Variants in UNC93A observed in about 807,000 individuals in gnomAD.
UNC93A encodes the protein unc-93 homolog A, also known as N-acetylglucosamine transporter UNC93A.
UNC93A carries 43 observed loss-of-function variants against 47.5 expected under a neutral mutation model. The ratio of observed to expected loss-of-function variants is 0.91; its 90% CI spans 0.71 to 1.17. The LOEUF (loss-of-function observed/expected upper bound fraction) is 1.17. Ranked by LOEUF, UNC93A falls within the 50% of genes most tolerant of loss-of-function variation. UNC93A has a pLI of 0.00. For missense variants in UNC93A, 605 were observed against 577.6 expected, an observed-to-expected ratio of 1.05 and a Z score of -0.49; for synonymous variants, 280 against 258.0, an observed-to-expected ratio of 1.09 and a Z score of -0.82.
chr6:167,298,526 T>C (rs1583079140), intron 4 of UNC93A, among the ~76,000 whole-genome samples: 1 of 109,020 alleles, frequency 9.2e-6, no homozygotes, highest in African/African-American at 6.8e-5. Flanking sequence ...TATAAGCCAC[T>C]TTTTTTTTTT....
intron 1 of UNC93A, among the ~76,000 whole-genome samples, chr6:167,280,339 T>C (rs1020300110): frequency 2.0e-4 from 30 of 152,276 alleles, no homozygotes; most frequent in Admixed American, 7.8e-4. Context: ...GAAAATGCTG[T>C]GTGCTTTCAA....
At chr6:167,269,280 G>A (rs1223405408), upstream of UNC93A, among the ~76,000 whole-genome samples, 7 of 152,228 alleles carry the variant, frequency 4.6e-5, no homozygotes, top group Non-Finnish European at 1.0e-4. Context: ...GACGCCCAGA[G>A]ACCCAGTCTT....
At chr6:167,300,495 A>C (rs1210832076) in intron 4 of UNC93A, among the ~76,000 whole-genome samples, 1 of 152,092 alleles carries the variant, frequency 6.6e-6, no homozygotes, top group African/African-American at 2.4e-5. Flanking sequence ...GCTCTTAGCC[A>C]GTGAGAGGCT....
upstream of UNC93A, among the ~76,000 whole-genome samples, chr6:167,290,038 G>A (rs1783814291): frequency 6.6e-6 from 1 of 152,016 alleles, no homozygotes; most frequent in South Asian, 2.1e-4. Flanking sequence ...TGCTGTTCTA[G>A]GGGCTTTCAA....
chr6:167,302,357 G>C (rs907454075), intron 4 of UNC93A, among the ~76,000 whole-genome samples: 3 of 152,082 alleles, frequency 2.0e-5, no homozygotes, highest in Admixed American at 2.0e-4. Context: ...GTCGTCTTTA[G>C]AGGAGCAGGG....
intron 1 of UNC93A, among the ~76,000 whole-genome samples, chr6:167,282,628 G>A (rs1783652466): frequency 6.6e-6 from 1 of 152,166 alleles, no homozygotes; most frequent in Non-Finnish European, 1.5e-5. Flanking sequence ...CAAATATCAG[G>A]TGAAATGTGG....
Position 167,315,193 on chromosome 6 carries a change from A to G in UNC93A, c.1115A>G (p.Tyr372Cys), listed in dbSNP as rs1778657363. ...TCCGCTCTCTCCTCTGCAGCTCTCTACGGCGTTCTGTTTGAGAAGAGCAAG... is the reference window on the plus strand; with the variant it reads ...TCCGCTCTCTCCTCTGCAGCTCTCTGCGGCGTTCTGTTTGAGAAGAGCAAG... ...AVWQTQNNAL[Y>C]GVLFEKSKEA... Residue 372 changes from tyrosine (Y) to cysteine (C), a missense_variant, in exon 8 of 8, where the codon TAC (tyrosine) becomes TGC (cysteine). Coordinates refer to ENST00000230256, the MANE Select transcript of UNC93A (RefSeq NM_018974.4). 2 of 1,613,440 alleles carry G rather than the reference A, an allele frequency of 1.2e-6. No individual in the cohort carries two copies. The highest frequency in any genetic ancestry group is 2.7e-5 in the African/African-American group (2 of 74,882).
chr6:167,282,868 T>G (rs929622447), intron 1 of UNC93A, among the ~76,000 whole-genome samples: 1 of 152,190 alleles, frequency 6.6e-6, no homozygotes, highest in Non-Finnish European at 1.5e-5. Flanking sequence ...AAGCAGGGGC[T>G]TCCGGGTCAG....
At chr6:167,276,059 C>CTTTT (rs112367150) in intron 1 of UNC93A, among the ~76,000 whole-genome samples, 2 of 132,346 alleles carry the variant, frequency 1.5e-5, no homozygotes, top group African/African-American at 3.1e-5. Flanking sequence ...TTTTTCTTTT[C>CTTTT]TTTTCTTTTT....
chr6:167,280,238 C>G (rs1036019151), intron 1 of UNC93A, among the ~76,000 whole-genome samples: 5 of 152,150 alleles, frequency 3.3e-5, no homozygotes, highest in African/African-American at 1.2e-4. Context: ...GCTCCTACCC[C>G]CTGCAGGCTC....
chr6:167,294,034 G>A (rs78485889), intron 1 of UNC93A, among the ~76,000 whole-genome samples: 1,676 of 152,278 alleles, frequency 0.011, 37 homozygotes, highest in African/African-American at 0.039. Context: ...ACTCGGAGGC[G>A]GGCGATGGAT....
chr6:167,289,596 T>C (rs575426732), upstream of UNC93A, among the ~76,000 whole-genome samples: 22 of 151,986 alleles, frequency 1.4e-4, no homozygotes, highest in South Asian at 4.2e-4. Context: ...TTAGAAGGCA[T>C]AGGCTGGTGA....
Position 167,294,584 on chromosome 6 carries a change from T to A in UNC93A, c.155T>A (p.Leu52Gln). Residue 52 changes from leucine to glutamine, a missense_variant, in exon 2 of 8, where the codon CTG becomes CAG. Physicochemically the swap from Leu to Gln is moderately radical, Grantham distance 113. Transcript: ENST00000230256. ...ALSTLYGGML[L>Q]SSMFLPPLLI... ...AGCACCCTCTATGGAGGCATGCTCC[T>A]GTCCTCCATGTTCCTCCCACCGCTC... The A allele has an allele frequency of 6.2e-7, 1 of 1,614,052 alleles. No individual in the cohort carries two copies. The highest frequency in any genetic ancestry group is 8.5e-7 in the Non-Finnish European group (1 of 1,179,970).
At chr6:167,283,902 G>T (rs6934766) in intron 1 of UNC93A, among the ~76,000 whole-genome samples, 1 of 152,202 alleles carries the variant, frequency 6.6e-6, no homozygotes, top group East Asian at 1.9e-4. Flanking sequence ...TTGAGTCTTC[G>T]TGGTATGAGG....
chr6:167,281,153 G>A (rs1335957041), intron 1 of UNC93A, among the ~76,000 whole-genome samples: 1 of 151,452 alleles, frequency 6.6e-6, no homozygotes, highest in Non-Finnish European at 1.5e-5. Context: ...CCCACTGAGA[G>A]GAGCCTCGGT....
At chr6:167,308,738 A>G (rs1480499375) in intron 7 of UNC93A, among the ~76,000 whole-genome samples, 1 of 152,074 alleles carries the variant, frequency 6.6e-6, no homozygotes, top group Non-Finnish European at 1.5e-5. Flanking sequence ...GGTCACTGGA[A>G]GCAGCAGAAA....
chr6:167,313,998 A>C (rs1778624049), intron 7 of UNC93A, among the ~76,000 whole-genome samples: 3 of 152,334 alleles, frequency 2.0e-5, no homozygotes, highest in East Asian at 3.9e-4. Context: ...TTTCCCAAAC[A>C]TCCATGAGCT....
chr6:167,305,429 C>T (rs369940776), intron 5 of UNC93A, among the ~76,000 whole-genome samples: 9 of 152,326 alleles, frequency 5.9e-5, no homozygotes, highest in African/African-American at 2.2e-4. Flanking sequence ...TGCGTGCCCG[C>T]CCTTGAGGTC....
At chr6:167,284,500 T>C (rs1160795254) in intron 1 of UNC93A, among the ~76,000 whole-genome samples, 5 of 152,258 alleles carry the variant, frequency 3.3e-5, no homozygotes. Flanking sequence ...AGAGGAGGAC[T>C]AGAAAGCGAA....
Sources: allele counts gnomAD v4.1 joint callset (sites outside exome capture counted in the v4.1 genomes callset), GRCh38; gene constraint gnomAD v4.1.1; transcripts MANE v1.5; gene names NCBI Gene and HGNC (gene_info 2026-07-23, HGNC 2026-07-21).